Variants in DHX34 observed in about 807,000 individuals in gnomAD.
DHX34 encodes probable ATP-dependent RNA helicase DHX34.
Under a neutral mutation model 111.1 loss-of-function variants are expected in DHX34, and 96 were observed. That is an observed-to-expected ratio of 0.86 (90% confidence interval 0.73 to 1.02). The LOEUF (loss-of-function observed/expected upper bound fraction) is 1.02. Among genes scored for constraint, DHX34 ranks in the 50% least tolerant of loss-of-function variants. The pLI is 0.00. For missense variants in DHX34, 1,560 were observed against 1,579.9 expected, an observed-to-expected ratio of 0.99 and a Z score of 0.21; for synonymous variants, 688 against 670.4, an observed-to-expected ratio of 1.03 and a Z score of -0.41.
At chr19:47,359,012 G>A (rs902105016) in intron 4 of DHX34, among the ~76,000 whole-genome samples, 3 of 152,168 alleles carry the variant, frequency 2.0e-5, no homozygotes, top group African/African-American at 7.2e-5. Flanking sequence ...CTCCCCTAGT[G>A]GGGGCAGTGC....
chr19:47,365,257 TTTA>T (rs1321807708), intron 6 of DHX34, among the ~76,000 whole-genome samples: 1 of 151,680 alleles, frequency 6.6e-6, no homozygotes, highest in Non-Finnish European at 1.5e-5. Flanking sequence ...TATTTATTTA[TTTA>T]TTTATTTTTG....
rs146308675 is a variant in DHX34, at chr19:47,379,815, C to T, written c.2812C>T (p.Arg938Ter). 5.6e-6 allele frequency: 9 copies of T among 1,613,698 alleles called. No homozygotes were observed. The highest frequency in any genetic ancestry group is 2.2e-5 in the East Asian group (1 of 44,896). ...GCTAGCAGACAGTGAAAGTGCCATC[C>T]GACTCCTGGCGGCTTCCCTGCGGCT... ...LQLADSESAI[R>*]LLAASLRLRA... is the part of the protein sequence containing the mutation. Residue 938 changes from arginine to a stop codon, truncating the protein, a stop_gained, in exon 14 of 17, where the codon CGA becomes TGA. Coordinates refer to ENST00000328771, the MANE Select transcript of DHX34 (RefSeq NM_014681.6). LOFTEE classifies it high-confidence loss of function.
At chr19:47,373,725 G>A (rs1325402222) in intron 9 of DHX34, 25 bp downstream of exon 9, 2 of 1,607,838 alleles carry the variant, frequency 1.2e-6, no homozygotes, top group East Asian at 2.2e-5. Context: ...GAGGGGTAAG[G>A]CCGGCCCCAC....
intron 2 of DHX34, among the ~76,000 whole-genome samples, chr19:47,354,458 A>G (rs976850480): frequency 2.0e-5 from 3 of 152,216 alleles, no homozygotes; most frequent in Non-Finnish European, 4.4e-5. Flanking sequence ...TTATATATAC[A>G]TGAGGCACAG....
At chr19:47,374,728 A>G (rs1970080165) in intron 9 of DHX34, among the ~76,000 whole-genome samples, 1 of 152,140 alleles carries the variant, frequency 6.6e-6, no homozygotes, top group Non-Finnish European at 1.5e-5. Flanking sequence ...TGCTCTGAGC[A>G]TGGGTCCCGA....
intron 11 of DHX34, 79 bp downstream of exon 11, chr19:47,376,176 A>C (rs925537882): frequency 1.9e-4 from 290 of 1,507,860 alleles, no homozygotes; most frequent in Non-Finnish European, 2.4e-4. Flanking sequence ...CCGGGAATGC[A>C]GTGGTGACTG....
chr19:47,360,171 G>A, intron 5 of DHX34, 101 bp downstream of exon 5: 1 of 1,120,104 alleles, frequency 8.9e-7, no homozygotes, highest in Non-Finnish European at 1.3e-6. Flanking sequence ...CTTGGATTGG[G>A]AAGTACAGTT....
At chr19:47,377,228 C>T in intron 13 of DHX34, 22 bp downstream of exon 13, 1 of 1,601,198 alleles carries the variant, frequency 6.2e-7, no homozygotes, top group South Asian at 1.1e-5. Flanking sequence ...CCCCACCCCG[C>T]CCCCATGCCC....
rs1282872269 is a variant in DHX34 at position 47,379,782 on chromosome 19, G to C, written c.2779G>C (p.Glu927Gln). Residue 927 changes from glutamate (E) to glutamine (Q), a missense_variant, in exon 14 of 17, where the codon GAG becomes CAG. Physicochemically the swap from Glu to Gln is conservative, Grantham distance 29. Coordinates refer to ENST00000328771, the MANE Select transcript of DHX34 (RefSeq NM_014681.6). ...CSRLVADGWL[E>Q]LQLADSESAI... The stretch of plus-strand genomic sequence containing the variant: ...CCGCCTGGTGGCCGATGGCTGGCTG[G>C]AGCTGCAGCTAGCAGACAGTGAAAG... 2 of 1,613,414 alleles carry C rather than the reference G, an allele frequency of 1.2e-6. No homozygotes were observed. Among genetic ancestry groups the C allele is most frequent in the Non-Finnish European group, 1.7e-6 (2 of 1,179,466 alleles).
In DHX34 at chr19:47,382,284, C is replaced by T; in HGVS notation, c.*171C>T. On this transcript the variant is annotated 3_prime_UTR_variant, in exon 17 of 17. Coordinates refer to ENST00000328771, the MANE Select transcript of DHX34 (RefSeq NM_014681.6). ...ATAAAGCCTCACATGCTGATACACA[C>T]TGTTAGGCCTGCACCTGCCCATCCA... 8.3e-7 allele frequency: 1 copy of T among 1,202,082 alleles called. No homozygotes were observed. The highest frequency in any genetic ancestry group is 2.6e-5 in the East Asian group (1 of 38,074). 74.5% of individuals were successfully genotyped at this position (1,202,082 alleles called of 1,614,324 possible).
chr19:47,366,659 C>T (rs1599763424), intron 6 of DHX34, among the ~76,000 whole-genome samples: 1 of 152,046 alleles, frequency 6.6e-6, no homozygotes, highest in East Asian at 1.9e-4. Context: ...CGGCTTACTG[C>T]GATCTCCACC....
chr19:47,373,815 A>T, intron 9 of DHX34, 115 bp downstream of exon 9: 1 of 1,309,796 alleles, frequency 7.6e-7, no homozygotes, highest in Non-Finnish European at 1.0e-6. Context: ...CCCACCCTGC[A>T]CCCACCTCCC....
At position 47,376,800 on chromosome 19, in the gene DHX34, A is replaced by G. The variant is rs1599775009; in HGVS notation, c.2599+240A>G. On this transcript the variant is annotated intron_variant, in intron 12 of 16. Transcript: ENST00000328771. ...AACCTAAGCCAGTGTGGCTGTGCCC[A>G]GAGAGTGAGCACCGGTCAGGGGGCC... The G allele has an allele frequency of 9.9e-6, 15 of 1,509,798 alleles. No homozygotes were observed. In the East Asian group the frequency reaches 3.7e-4, roughly 37 times the overall value. 93.5% of individuals were successfully genotyped at this position (1,509,798 alleles called of 1,614,324 possible).
intron 3 of DHX34, among the ~76,000 whole-genome samples, chr19:47,356,046 G>T (rs1453062548): frequency 6.6e-6 from 1 of 152,096 alleles, no homozygotes; most frequent in African/African-American, 2.4e-5. Flanking sequence ...TGACATTTCA[G>T]TCTGGATAAT....
intron 9 of DHX34, among the ~76,000 whole-genome samples, chr19:47,374,672 G>T (rs895212397): frequency 6.6e-6 from 1 of 152,084 alleles, no homozygotes; most frequent in East Asian, 1.9e-4. Context: ...GACACCTCCG[G>T]TACCATTTCT....
chr19:47,379,966 T>C lies in DHX34; in HGVS notation c.2963T>C (p.Leu988Pro). The C allele has an allele frequency of 1.3e-6, 2 of 1,589,056 alleles. No individual in the cohort carries two copies. The highest frequency in any genetic ancestry group is 8.6e-7 in the Non-Finnish European group (1 of 1,160,242). Residue 988 changes from leucine (L) to proline (P), a missense_variant, in exon 14 of 17, where the codon CTG becomes CCG. Coordinates refer to ENST00000328771, the MANE Select transcript of DHX34 (RefSeq NM_014681.6). ...KEVATLSKEL[L>P]QFTASKIPYS... ...GTGGCCACCCTGAGCAAGGAACTCC[T>C]GCAATTCACGGCATCCAAGGTACCC...
chr19:47,364,735 C>T (rs2122268854), intron 6 of DHX34, among the ~76,000 whole-genome samples: 1 of 152,210 alleles, frequency 6.6e-6, no homozygotes, highest in African/African-American at 2.4e-5. Flanking sequence ...AAGACCCTGT[C>T]TCATAAAAAA....
chr19:47,380,664 T>C, intron 14 of DHX34, 152 bp from the exon 15 acceptor site: 3 of 1,466,792 alleles, frequency 2.0e-6, no homozygotes, highest in Non-Finnish European at 1.8e-6. Flanking sequence ...CCCCTGGTCA[T>C]GTGTGTCTGC....
rs1331310287 is a variant in DHX34, at chr19:47,373,597, A to G, written c.1963-2A>G. The G allele has an allele frequency of 3.1e-6, 5 of 1,613,278 alleles. No individual in the cohort carries two copies. The highest frequency in any genetic ancestry group is 2.5e-6 in the Non-Finnish European group (3 of 1,179,740). ...CACCCTGGCGTCTGCTCCTCCACCCAGGTGAAATCTGAACGGAGCAGAAAC... is the reference window on the plus strand; with the variant it reads ...CACCCTGGCGTCTGCTCCTCCACCCGGGTGAAATCTGAACGGAGCAGAAAC... On this transcript the variant is annotated splice_acceptor_variant, in intron 8 of 16. Transcript: ENST00000328771. LOFTEE classifies it high-confidence loss of function.
Sources: allele counts gnomAD v4.1 joint callset (sites outside exome capture counted in the v4.1 genomes callset), GRCh38; gene constraint gnomAD v4.1.1; transcripts MANE v1.5; gene names NCBI Gene and HGNC (gene_info 2026-07-23, HGNC 2026-07-21).